USP6: variants seen among roughly 807,000 people sequenced by gnomAD.
USP6 encodes the protein ubiquitin specific peptidase 6, also known as ubiquitin carboxyl-terminal hydrolase 6.
A neutral mutation model predicts 175.7 loss-of-function variants in USP6; 128 were observed. The ratio of observed to expected loss-of-function variants is 0.73; its 90% CI spans 0.63 to 0.84. USP6 has a LOEUF of 0.84. USP6 is among the 40% of genes least tolerant of loss of function. The probability of loss-of-function intolerance (pLI) is 0.00; values close to 1 mark genes in which losing one functional copy is unlikely to be tolerated. For synonymous variants in USP6, 562 were observed against 630.6 expected, an observed-to-expected ratio of 0.89 and a Z score of 1.63; for missense variants, 1,498 against 1,760.3, an observed-to-expected ratio of 0.85 and a Z score of 2.67.
chr17:5,154,119 CTCTG>C (rs745777488), intron 30 of USP6, among the ~76,000 whole-genome samples: 5 of 152,176 alleles, frequency 3.3e-5, no homozygotes, highest in Non-Finnish European at 5.9e-5. Flanking sequence ...TTGTACTGAA[CTCTG>C]TCTGGATTTC....
In USP6 at chr17:5,117,664, C is replaced by G. The variant is rs149124686; in HGVS notation, c.-1927-536C>G. Among the ~76,000 whole-genome samples the G allele has an allele frequency of 2.9e-3, 436 of 152,182 alleles. 3 individuals are homozygous for G. Among genetic ancestry groups the G allele is most frequent in the Non-Finnish European group, 5.1e-3 (349 of 68,014 alleles). On this transcript the variant is annotated intron_variant, in intron 1 of 37. Transcript: ENST00000574788. ...TGGAAATTTAGAGAGGGGGATGGCA[C>G]TATCAGATTTGTTCTGAAGGAAGAA...
intron 15 of USP6, chr17:5,135,020 G>T (rs1359589185): frequency 1.9e-5 from 10 of 531,996 alleles, no homozygotes; most frequent in Non-Finnish European, 3.1e-5. Context: ...AGCGTGAAAA[G>T]GATCGGTCAA....
At chr17:5,128,240 CT>C (rs1191316977) in intron 7 of USP6, among the ~76,000 whole-genome samples, 1 of 152,170 alleles carries the variant, frequency 6.6e-6, no homozygotes, top group Non-Finnish European at 1.5e-5. Flanking sequence ...GATAACATGT[CT>C]AGAAAAGTGG....
chr17:5,131,180 T>TG (rs1424494740), intron 11 of USP6, among the ~76,000 whole-genome samples: 17 of 151,644 alleles, frequency 1.1e-4, no homozygotes, highest in Non-Finnish European at 1.8e-4. Flanking sequence ...GTGGGGACAG[T>TG]GGGGGCTTTG....
At position 5,138,160 on chromosome 17, in the gene USP6, G is replaced by T; in HGVS notation, c.965G>T (p.Arg322Leu). The change falls in exon 21 of 38, where the codon CGT (arginine) becomes CTT (leucine). Residue 322 changes from arginine (R) to leucine (L), a missense_variant. Arg to Leu is a moderately radical substitution (Grantham distance 102). Transcript: ENST00000574788. ...ACATCCAGGTGTGGCCTGTGGGCAC[G>T]TCTGCGGAACCAATTCTTCGATACC... ...MKTSRCGLWA[R>L]LRNQFFDTWA... 6.2e-7 allele frequency: 1 copy of T among 1,614,086 alleles called. No individual in the cohort carries two copies. Among genetic ancestry groups the T allele is most frequent in the Non-Finnish European group, 8.5e-7 (1 of 1,179,984 alleles).
intron 13 of USP6, 112 bp from the exon 14 acceptor site, chr17:5,133,331 C>T: frequency 3.3e-6 from 4 of 1,215,642 alleles, no homozygotes; most frequent in Non-Finnish European, 4.8e-6. Flanking sequence ...CTTGATCTCG[C>T]CTCTACTGAG....
chr17:5,131,277 A>G (rs2073059076), intron 11 of USP6, among the ~76,000 whole-genome samples: 2 of 151,440 alleles, frequency 1.3e-5, no homozygotes, highest in South Asian at 4.2e-4. Context: ...GCTTGTGACT[A>G]AAGACCCTGG....
In USP6 at chr17:5,136,901, G is replaced by A. The variant is rs559562908; in HGVS notation, c.759+167G>A. Among the ~76,000 whole-genome samples, 3 of 152,300 alleles carry A rather than the reference G, an allele frequency of 2.0e-5. No individual in the cohort carries two copies. The East Asian group carries it at 5.8e-4, about 29-fold the overall frequency. On this transcript the variant is annotated intron_variant, in intron 18 of 37. Transcript: ENST00000574788. ...GGGCTGGGAGTTGGTTTCCTTTCAT[G>A]CCCTGGAGGAGACAGAGGCACAGGG...
At chr17:5,153,016 G>C (rs1321237776) in intron 30 of USP6, among the ~76,000 whole-genome samples, 2 of 152,048 alleles carry the variant, frequency 1.3e-5, no homozygotes, top group African/African-American at 2.4e-5. Context: ...CAAAAAAAAT[G>C]AATTAAGTAA....
chr17:5,169,542 A>G (rs558776714), intron 35 of USP6, among the ~76,000 whole-genome samples: 25 of 152,266 alleles, frequency 1.6e-4, no homozygotes, highest in South Asian at 4.1e-4. Context: ...CCTGGGGTCA[A>G]TCAATCCTCC....
chr17:5,149,089 AG>A (rs1480972006), intron 30 of USP6, among the ~76,000 whole-genome samples: 1 of 152,054 alleles, frequency 6.6e-6, no homozygotes, highest in Non-Finnish European at 1.5e-5. Context: ...AGCACATCTG[AG>A]TACTACTTTC....
rs747340544 is a variant in USP6 at position 5,169,097 on chromosome 17, C to T, written c.3517+42C>T. The T allele has an allele frequency of 3.3e-6, 5 of 1,524,538 alleles. No homozygotes were observed. In the South Asian group the frequency reaches 5.4e-5, roughly 16 times the overall value. 94.4% of individuals were successfully genotyped at this position (1,524,538 alleles called of 1,614,324 possible). On this transcript the variant is annotated intron_variant, in intron 35 of 37. Coordinates refer to ENST00000574788, the MANE Select transcript of USP6 (RefSeq NM_001304284.2). ...TTATGCAGTTGCTTTCTTGGGACTC[C>T]TGTAGGCTACATATGTTTCTCTGTC...
At chr17:5,152,432 A>G (rs2073795126) in intron 30 of USP6, among the ~76,000 whole-genome samples, 1 of 152,180 alleles carries the variant, frequency 6.6e-6, no homozygotes, top group Non-Finnish European at 1.5e-5. Context: ...TTGGAATACA[A>G]TTTTCTAGTT....
chr17:5,146,503 A>G (rs1167997825), intron 28 of USP6, among the ~76,000 whole-genome samples: 1 of 152,188 alleles, frequency 6.6e-6, no homozygotes, highest in Admixed American at 6.5e-5. Context: ...TACACTTCAC[A>G]GCTCTTCTAT....
intron 15 of USP6, chr17:5,134,400 G>A: frequency 4.1e-6 from 1 of 244,970 alleles, no homozygotes; most frequent in Non-Finnish European, 8.0e-6. Context: ...CAGGTCTGCT[G>A]GGAACATGAC....
chr17:5,120,814 T>G, intron 3 of USP6, 26 bp downstream of exon 3: 1 of 452,554 alleles, frequency 2.2e-6, no homozygotes, highest in Admixed American at 2.4e-5. Context: ...TAAGCAGGTG[T>G]GCACACATGT....
chr17:5,159,720 T>C (rs1012522228), intron 31 of USP6, among the ~76,000 whole-genome samples: 1 of 152,050 alleles, frequency 6.6e-6, no homozygotes, highest in African/African-American at 2.4e-5. Flanking sequence ...CCCAGCACTT[T>C]AGGAGGCTGA....
rs746948579 is a variant in USP6 at position 5,135,821 on chromosome 17, G to C, written c.557G>C (p.Cys186Ser). The C allele has an allele frequency of 1.9e-6, 3 of 1,598,276 alleles. No individual in the cohort carries two copies. In the East Asian group the frequency reaches 6.7e-5, roughly 36 times the overall value. ...TGGCTCTTGCAGGAGGTGGGCTACT[G>C]CAGGGACCTGAGCCACATCACCGCC... is the stretch of plus-strand genomic sequence containing the variant. ...YSEYNPEVGYCRDLSHITALF... is the reference protein window; with the variant it reads ...YSEYNPEVGYSRDLSHITALF... Residue 186 changes from cysteine (C) to serine (S), a missense_variant, in exon 17 of 38, where the codon TGC becomes TCC. Coordinates refer to ENST00000574788, the MANE Select transcript of USP6 (RefSeq NM_001304284.2).
chr17:5,172,327 A>C (rs746997190), intron 37 of USP6, among the ~76,000 whole-genome samples: 3 of 152,046 alleles, frequency 2.0e-5, no homozygotes, highest in Non-Finnish European at 2.9e-5. Context: ...GTCAGGAGAT[A>C]GAGGCCATCC....
Sources: allele counts gnomAD v4.1 joint callset (sites outside exome capture counted in the v4.1 genomes callset), GRCh38; gene constraint gnomAD v4.1.1; transcripts MANE v1.5; gene names NCBI Gene and HGNC (gene_info 2026-07-23, HGNC 2026-07-21).